The following HAAO variants were observed in gnomAD, a reference collection of about 807,000 sequenced individuals.
The protein encoded by HAAO is 3-hydroxyanthranilate oxygenase.
HAAO carries 49 observed loss-of-function variants against 46.2 expected under a neutral mutation model. The ratio of observed to expected loss-of-function variants is 1.06; its 90% confidence interval spans 0.84 to 1.34. The LOEUF (loss-of-function observed/expected upper bound fraction) is 1.34, where lower values mean the gene tolerates loss of function less well. Among genes scored for constraint, HAAO ranks in the 40% most tolerant of loss-of-function variants. The pLI is 0.00. For synonymous variants in HAAO, 157 were observed against 145.2 expected (o/e 1.08, Z -0.58); for missense variants, 408 against 364.5 (o/e 1.12, Z -0.97).
At chr2:42,788,671 C>T (rs1189728703) in intron 1 of HAAO, 64 bp from the exon 2 acceptor site, 2 of 1,065,696 alleles carry the variant, frequency 1.9e-6, no homozygotes, top group East Asian at 2.4e-5. Context: ...GAGCACGGGT[C>T]CCGTGGGGGC....
In HAAO at chr2:42,783,782, A is replaced by T; in HGVS notation, c.243+2T>A. 6.2e-7 allele frequency: 1 copy of T among 1,610,500 alleles called. No individual in the cohort carries two copies. The highest frequency in any genetic ancestry group is 8.5e-7 in the Non-Finnish European group (1 of 1,178,300). The stretch of plus-strand genomic sequence containing the variant: ...CCCCACCCTGCTGGGATCCGGCCTC[A>T]CCTCTCCCTGCCGAATGACCACATC... On this transcript the variant is annotated splice_donor_variant, in intron 3 of 9. Coordinates refer to ENST00000294973, the MANE Select transcript of HAAO (RefSeq NM_012205.3). LOFTEE classifies it high-confidence loss of function.
intron 4 of HAAO, among the ~76,000 whole-genome samples, chr2:42,771,979 A>G (rs1187703751): frequency 6.6e-6 from 1 of 152,204 alleles, no homozygotes; most frequent in Non-Finnish European, 1.5e-5. Flanking sequence ...GCTTTTATTA[A>G]AGGTCAAAAG....
intron 2 of HAAO, 35 bp from the exon 3 acceptor site, chr2:42,783,902 C>G (rs757782814): frequency 1.3e-6 from 2 of 1,584,778 alleles, no homozygotes; most frequent in South Asian, 1.1e-5. Context: ...ACCCTCCGCA[C>G]TTTCTCTTCC....
At chr2:42,770,211 A>AGGAGTGGCGAGCACTCCCATC (rs754038457) in intron 5 of HAAO, 25 bp from the exon 6 acceptor site, 218 of 1,583,888 alleles carry the variant, frequency 1.4e-4, no homozygotes, top group African/African-American at 7.1e-4. Context: ...AGGGAGGAGC[A>AGGAGTGGCGAGCACTCCCATC]GGAGTGGCGA....
intron 3 of HAAO, 77 bp downstream of exon 3, chr2:42,783,707 G>T (rs569231192): frequency 1.6e-6 from 2 of 1,276,414 alleles, no homozygotes; most frequent in African/African-American, 1.5e-5. Flanking sequence ...CCTCAGCCAG[G>T]GCCAGGATGA....
chr2:42,767,779 C>T (rs1349654331), intron 8 of HAAO, 81 bp downstream of exon 8: 35 of 1,549,166 alleles, frequency 2.3e-5, no homozygotes, highest in East Asian at 1.3e-4. Flanking sequence ...GAGTGGGCCC[C>T]GTGTGGGAGC....
chr2:42,787,813 C>G (rs1445320358), intron 2 of HAAO, among the ~76,000 whole-genome samples: 1 of 152,162 alleles, frequency 6.6e-6, no homozygotes, highest in Non-Finnish European at 1.5e-5. Context: ...TTCTGTGTCT[C>G]TCCTTAAGGG....
chr2:42,786,992 G>A (rs1046394653), intron 2 of HAAO, among the ~76,000 whole-genome samples: 4 of 152,098 alleles, frequency 2.6e-5, no homozygotes, highest in South Asian at 2.1e-4. Flanking sequence ...AGAGGAGGCC[G>A]ACCCTCAGCC....
chr2:42,788,735 T>G (rs1672572153), intron 1 of HAAO, 128 bp from the exon 2 acceptor site: 1 of 703,764 alleles, frequency 1.4e-6, no homozygotes, highest in Non-Finnish European at 2.6e-6. Flanking sequence ...TTGGCCTCAC[T>G]GTCCCTGTTC....
intron 4 of HAAO, chr2:42,782,766 C>G: frequency 2.9e-6 from 1 of 341,818 alleles, no homozygotes; most frequent in Non-Finnish European, 6.0e-6. Flanking sequence ...TCTTATCTAC[C>G]TGTGACCTGG....
intron 7 of HAAO, among the ~76,000 whole-genome samples, chr2:42,769,223 C>A (rs1489139621): frequency 6.6e-6 from 1 of 152,216 alleles, no homozygotes; most frequent in Non-Finnish European, 1.5e-5. Flanking sequence ...CCTACTCTCC[C>A]ACTAAAGCCT....
intron 4 of HAAO, among the ~76,000 whole-genome samples, chr2:42,772,555 A>C (rs939360267): frequency 6.6e-6 from 1 of 152,002 alleles, no homozygotes; most frequent in African/African-American, 2.4e-5. Flanking sequence ...AAATAAGACA[A>C]GATGGAAGTT....
intron 4 of HAAO, among the ~76,000 whole-genome samples, chr2:42,774,804 G>GT (rs921777010): frequency 6.6e-6 from 1 of 151,418 alleles, no homozygotes; most frequent in African/African-American, 2.4e-5. Context: ...TGTTGTTGCT[G>GT]TTTGTTTCTG....
At chr2:42,782,960 G>A (rs966475356) in intron 4 of HAAO, 4 of 438,050 alleles carry the variant, frequency 9.1e-6, no homozygotes, top group South Asian at 1.8e-5. Context: ...GCTGTGTCAC[G>A]GGCACACGTC....
chr2:42,786,858 C>A (rs1280066159), intron 2 of HAAO, among the ~76,000 whole-genome samples: 1 of 152,132 alleles, frequency 6.6e-6, no homozygotes, highest in Non-Finnish European at 1.5e-5. Context: ...TGATTTGAAC[C>A]CAGGTCTGAG....
rs752454418 is a variant in HAAO at position 42,783,304 on chromosome 2, C to A, written c.350+10G>T. On this transcript the variant is annotated intron_variant, in intron 4 of 9. Coordinates refer to ENST00000294973, the MANE Select transcript of HAAO (RefSeq NM_012205.3). ...CCTTTCTCTGCCCCAGCCCTCCAGACAGAATTTACCTGAGCCCATCTAGCT... is the reference window on the plus strand; with the variant it reads ...CCTTTCTCTGCCCCAGCCCTCCAGAAAGAATTTACCTGAGCCCATCTAGCT... 1.9e-6 allele frequency: 3 copies of A among 1,560,052 alleles called. No homozygotes were observed. The highest frequency in any genetic ancestry group is 1.8e-6 in the Non-Finnish European group (2 of 1,133,574).
chr2:42,785,029 GT>G (rs1204149298), intron 2 of HAAO, among the ~76,000 whole-genome samples: 1 of 152,234 alleles, frequency 6.6e-6, no homozygotes, highest in Non-Finnish European at 1.5e-5. Flanking sequence ...ATTCAAGGCT[GT>G]TTTCAATGCA....
At chr2:42,788,733 A>G in intron 1 of HAAO, 126 bp from the exon 2 acceptor site, 7 of 707,590 alleles carry the variant, frequency 9.9e-6, no homozygotes, top group Non-Finnish European at 1.8e-5. Context: ...TTTTGGCCTC[A>G]CTGTCCCTGT....
intron 4 of HAAO, among the ~76,000 whole-genome samples, chr2:42,775,633 C>A (rs1415903566): frequency 6.6e-6 from 1 of 151,628 alleles, no homozygotes; most frequent in Non-Finnish European, 1.5e-5. Flanking sequence ...TCTCAGTTGA[C>A]TGAATTCTGT....
Sources: gnomAD v4.1 joint callset for allele counts (sites outside exome capture counted in the v4.1 genomes callset) on GRCh38, gnomAD v4.1.1 for gene constraint, MANE v1.5 for transcripts, NCBI Gene and HGNC (gene_info 2026-07-23, HGNC 2026-07-21) for gene names.